The following SLC36A1 variants were observed in gnomAD, a reference collection of about 807,000 sequenced individuals.
SLC36A1 encodes the protein proton-coupled amino acid transporter 1.
In SLC36A1, 30 loss-of-function variants were observed where a neutral mutation model predicts 47.5. The ratio of observed to expected loss-of-function variants is 0.63; its 90% CI spans 0.47 to 0.86. The LOEUF is 0.86. Ranked by LOEUF, SLC36A1 falls within the 40% of genes least tolerant of loss-of-function variation. The pLI is 0.00. For missense variants in SLC36A1, 517 were observed against 606.0 expected (o/e 0.85, Z 1.54); for synonymous variants, 255 against 249.7 (o/e 1.02, Z -0.20).
the SLC36A1 span, among the ~76,000 whole-genome samples, chr5:151,426,176 C>T: frequency 6.6e-6 from 1 of 152,226 alleles, no homozygotes; most frequent in African/African-American, 2.4e-5. Flanking sequence ...AGCCCCTCCA[C>T]ACCTGTGGGT....
the SLC36A1 span, chr5:151,509,712 AT>A: frequency 3.9e-6 from 1 of 255,076 alleles, no homozygotes; most frequent in Non-Finnish European, 7.6e-6. Context: ...GGTGAGTTGT[AT>A]AATTACTTCA....
At chr5:151,384,630 T>G in the SLC36A1 span, among the ~76,000 whole-genome samples, 3 of 152,220 alleles carry the variant, frequency 2.0e-5, no homozygotes, top group African/African-American at 7.2e-5. Flanking sequence ...GAGCTTCTCA[T>G]AGGTTATATA....
At chr5:151,495,877 AGTAGG>A (rs2127558043), downstream of SLC36A1, among the ~76,000 whole-genome samples, 1 of 152,178 alleles carries the variant, frequency 6.6e-6, no homozygotes, top group Non-Finnish European at 1.5e-5. Context: ...TTTATTGCTG[AGTAGG>A]GTTCCATGGT....
chr5:151,547,768 A>G, the SLC36A1 span, among the ~76,000 whole-genome samples: 9 of 152,228 alleles, frequency 5.9e-5, no homozygotes, highest in African/African-American at 2.2e-4. Flanking sequence ...TGAAAGAAAG[A>G]AATCAGGGCA....
At chr5:151,434,823 A>G (rs1467766353), upstream of SLC36A1, among the ~76,000 whole-genome samples, 1 of 152,172 alleles carries the variant, frequency 6.6e-6, no homozygotes, top group Non-Finnish European at 1.5e-5. Flanking sequence ...AGCTCTCACC[A>G]GACACAGGAT....
chr5:151,442,485 ATTTC>A (rs1283041406), intron 1 of SLC36A1, among the ~76,000 whole-genome samples: 10 of 152,160 alleles, frequency 6.6e-5, no homozygotes, highest in Admixed American at 4.6e-4. Flanking sequence ...TCAAACGCTT[ATTTC>A]TTTGTGTTCA....
At chr5:151,404,046 T>A in the SLC36A1 span, among the ~76,000 whole-genome samples, 1 of 152,216 alleles carries the variant, frequency 6.6e-6, no homozygotes, top group Admixed American at 6.5e-5. Flanking sequence ...ACTGTGTGGC[T>A]AAGTGTTTTC....
the SLC36A1 span, among the ~76,000 whole-genome samples, chr5:151,366,242 G>T: frequency 2.6e-5 from 4 of 152,100 alleles, no homozygotes; most frequent in African/African-American, 7.2e-5. Flanking sequence ...CAGATCCTCT[G>T]ACCCCACTCC....
the SLC36A1 span, among the ~76,000 whole-genome samples, chr5:151,500,281 A>G: frequency 1.3e-5 from 2 of 152,194 alleles, no homozygotes; most frequent in African/African-American, 2.4e-5. Context: ...TTAAGTTACT[A>G]ACATAAATTA....
chr5:151,354,597 C>A, the SLC36A1 span, among the ~76,000 whole-genome samples: 2 of 152,198 alleles, frequency 1.3e-5, no homozygotes, highest in African/African-American at 2.4e-5. Context: ...CAATTTGACC[C>A]TGCCCTGTCC....
chr5:151,417,729 C>A, the SLC36A1 span, among the ~76,000 whole-genome samples: 1 of 152,172 alleles, frequency 6.6e-6, no homozygotes, highest in African/African-American at 2.4e-5. Flanking sequence ...AAATTTGCAA[C>A]ATGACAATGC....
chr5:151,554,783 T>A, the SLC36A1 span: 2 of 853,536 alleles, frequency 2.3e-6, no homozygotes, highest in East Asian at 5.2e-5. Flanking sequence ...GAGCTTGTAC[T>A]TTTTATTATC....
chr5:151,356,532 T>C, the SLC36A1 span, among the ~76,000 whole-genome samples: 1 of 151,968 alleles, frequency 6.6e-6, no homozygotes, highest in African/African-American at 2.4e-5. Context: ...GTTGGGCATA[T>C]AGTAGGTCTC....
At chr5:151,543,947 A>G in the SLC36A1 span, 3 of 1,614,130 alleles carry the variant, frequency 1.9e-6, no homozygotes, top group Admixed American at 5.0e-5. Flanking sequence ...AGGTGTCCAC[A>G]GGTTGCCAGT....
At chr5:151,410,306 C>T in the SLC36A1 span, among the ~76,000 whole-genome samples, 1 of 143,352 alleles carries the variant, frequency 7.0e-6, no homozygotes, top group African/African-American at 2.5e-5. Flanking sequence ...AAATTCTGAA[C>T]AGGGACAGAG....
the SLC36A1 span, chr5:151,545,664 G>C: frequency 6.2e-7 from 1 of 1,614,108 alleles, no homozygotes; most frequent in Non-Finnish European, 8.5e-7. Context: ...CAATGGTTAG[G>C]GTTCCCATGC....
At chr5:151,376,645 T>G in the SLC36A1 span, among the ~76,000 whole-genome samples, 1 of 152,120 alleles carries the variant, frequency 6.6e-6, no homozygotes, top group East Asian at 1.9e-4. Flanking sequence ...AAAATTTTTT[T>G]TTTTGAGATG....
At chr5:151,356,434 C>T in the SLC36A1 span, among the ~76,000 whole-genome samples, 2 of 151,270 alleles carry the variant, frequency 1.3e-5, no homozygotes, top group Non-Finnish European at 2.9e-5. Context: ...ATCTGTTACT[C>T]ACACCTCCTC....
At chr5:151,353,295 G>A in the SLC36A1 span, among the ~76,000 whole-genome samples, 1 of 152,144 alleles carries the variant, frequency 6.6e-6, no homozygotes, top group African/African-American at 2.4e-5. Flanking sequence ...GGAGAAGTGA[G>A]CACACACAAA....
Sources: allele counts gnomAD v4.1 joint callset (sites outside exome capture counted in the v4.1 genomes callset), GRCh38; gene constraint gnomAD v4.1.1; transcripts MANE v1.5; gene names NCBI Gene and HGNC (gene_info 2026-07-23, HGNC 2026-07-21).